Variants in ELAVL2 observed in about 807,000 individuals in gnomAD.
The protein encoded by ELAVL2 is ELAV-like protein 2.
A neutral mutation model predicts 34.6 loss-of-function variants in ELAVL2; 4 were observed. The observed-to-expected ratio is 0.12, with a 90% CI of 0.06 to 0.26. The LOEUF is 0.26. Among genes scored for constraint, ELAVL2 ranks in the 10% least tolerant of loss-of-function variants. The probability of loss-of-function intolerance (pLI) is 1.00; values close to 1 mark genes in which losing one functional copy is unlikely to be tolerated. For synonymous variants in ELAVL2, 193 were observed against 154.8 expected (o/e 1.25, Z -1.83); for missense variants, 432 against 442.8 (o/e 0.98, Z 0.22).
intron 1 of ELAVL2, among the ~76,000 whole-genome samples, chr9:23,797,969 G>A (rs72693564): frequency 2.0e-5 from 3 of 152,108 alleles, no homozygotes; most frequent in Non-Finnish European, 4.4e-5. Context: ...AAAAGTATGG[G>A]ATAAGAATTC....
At chr9:23,757,918 C>A (rs2053964330) in intron 2 of ELAVL2, among the ~76,000 whole-genome samples, 1 of 152,092 alleles carries the variant, frequency 6.6e-6, no homozygotes, top group African/African-American at 2.4e-5. Flanking sequence ...ACTTAAGAAG[C>A]ACACACTTTC....
chr9:23,773,086 A>T (rs1447462747), intron 1 of ELAVL2, among the ~76,000 whole-genome samples: 2 of 152,142 alleles, frequency 1.3e-5, no homozygotes, highest in Non-Finnish European at 2.9e-5. Flanking sequence ...GGAGGGGGAG[A>T]ATTTACATTC....
chr9:23,810,023 G>A (rs2062769012), intron 1 of ELAVL2, among the ~76,000 whole-genome samples: 1 of 151,940 alleles, frequency 6.6e-6, no homozygotes, highest in Admixed American at 6.6e-5. Context: ...CTGCCTGATT[G>A]GGAACACATT....
intron 1 of ELAVL2, among the ~76,000 whole-genome samples, chr9:23,811,249 G>C (rs2062947077): frequency 6.6e-6 from 1 of 151,874 alleles, no homozygotes; most frequent in Non-Finnish European, 1.5e-5. Flanking sequence ...TCCCCGAACA[G>C]CCAGTTCCAA....
chr9:23,741,442 A>G (rs891239052), intron 2 of ELAVL2, among the ~76,000 whole-genome samples: 4 of 152,162 alleles, frequency 2.6e-5, no homozygotes, highest in African/African-American at 9.6e-5. Flanking sequence ...ATGCAGATGT[A>G]AGACTGTAAC....
At chr9:23,811,963 T>C (rs894796940) in intron 1 of ELAVL2, among the ~76,000 whole-genome samples, 4 of 151,844 alleles carry the variant, frequency 2.6e-5, no homozygotes, top group Non-Finnish European at 5.9e-5. Flanking sequence ...AAGCAAAAAA[T>C]AGACAAAATG....
At chr9:23,743,019 G>T (rs564025586) in intron 2 of ELAVL2, among the ~76,000 whole-genome samples, 21 of 152,032 alleles carry the variant, frequency 1.4e-4, no homozygotes, top group Non-Finnish European at 2.6e-4. Context: ...CAAACCTCAA[G>T]AACACTCTCT....
intron 2 of ELAVL2, among the ~76,000 whole-genome samples, chr9:23,743,152 G>A (rs149902644): frequency 6.6e-6 from 1 of 152,170 alleles, no homozygotes; most frequent in Non-Finnish European, 1.5e-5. Context: ...TTAAGTCAAA[G>A]AGGTACCCTG....
intron 5 of ELAVL2, among the ~76,000 whole-genome samples, chr9:23,694,028 T>C (rs1004417923): frequency 1.3e-5 from 2 of 152,128 alleles, no homozygotes; most frequent in African/African-American, 2.4e-5. Context: ...CAAGGAGGTA[T>C]AATTACAGGT....
intron 1 of ELAVL2, among the ~76,000 whole-genome samples, chr9:23,790,640 G>A (rs1262874545): frequency 1.3e-5 from 2 of 152,164 alleles, no homozygotes; most frequent in Non-Finnish European, 2.9e-5. Context: ...TGAATAGACA[G>A]CCAAATTAGG....
intron 3 of ELAVL2, among the ~76,000 whole-genome samples, chr9:23,729,458 C>G (rs941373406): frequency 2.0e-5 from 3 of 152,054 alleles, no homozygotes; most frequent in Non-Finnish European, 4.4e-5. Flanking sequence ...CTTAATAGTA[C>G]TAGTAAAAGA....
chr9:23,816,485 G>C (rs1303874371), intron 1 of ELAVL2, among the ~76,000 whole-genome samples: 1 of 151,916 alleles, frequency 6.6e-6, no homozygotes, highest in Non-Finnish European at 1.5e-5. Context: ...CAAAATGCTG[G>C]AAGAAAAGAA....
chr9:23,826,206 C>A lies in ELAVL2; in HGVS notation c.-416G>T, dbSNP rs547928422. 6.6e-6 allele frequency: 1 copy of A among 152,294 alleles called. No individual in the cohort carries two copies. The highest frequency in any genetic ancestry group is 1.9e-4 in the East Asian group (1 of 5,170). The allele number at this position is 152,294 out of a possible 1,614,324, so 9.4% of individuals were successfully genotyped here. ...GCTACAGGAGTAAGCTGCTGCATCT[C>A]TAACTAAGAACAGAAATAGGGGGGA... On this transcript the variant is annotated 5_prime_UTR_variant, in exon 1 of 7. Transcript: ENST00000397312.
In ELAVL2 at chr9:23,708,613, G is replaced by C. The variant is rs189321372; in HGVS notation, c.334-3542C>G. Among the ~76,000 whole-genome samples the C allele has an allele frequency of 1.8e-4, 27 of 152,280 alleles. No homozygotes were observed. The East Asian group carries it at 3.1e-3, about 17-fold the overall frequency. ...AGAAACTGGCCACAGACAGAAAACA[G>C]GATGTTGCTAGAAATTAGTTAAAAG... On this transcript the variant is annotated intron_variant, in intron 3 of 6. Coordinates refer to ENST00000397312, the MANE Select transcript of ELAVL2 (RefSeq NM_004432.5).
intron 2 of ELAVL2, among the ~76,000 whole-genome samples, chr9:23,743,735 G>A (rs1163723368): frequency 6.6e-6 from 1 of 151,996 alleles, no homozygotes; most frequent in African/African-American, 2.4e-5. Context: ...TGTATAACAG[G>A]GTAGAGGGTT....
At chr9:23,727,755 GACTTC>G (rs2045584282) in intron 3 of ELAVL2, among the ~76,000 whole-genome samples, 1 of 151,962 alleles carries the variant, frequency 6.6e-6, no homozygotes, top group South Asian at 2.1e-4. Flanking sequence ...GAGCCTGAGG[GACTTC>G]ACTTCACTCA....
chr9:23,711,320 T>A (rs1023597575), intron 3 of ELAVL2, among the ~76,000 whole-genome samples: 1 of 152,208 alleles, frequency 6.6e-6, no homozygotes, highest in Non-Finnish European at 1.5e-5. Context: ...GTTGAATGTT[T>A]TAAGACTAAA....
intron 3 of ELAVL2, among the ~76,000 whole-genome samples, chr9:23,718,814 A>G (rs879413610): frequency 2.0e-5 from 3 of 152,220 alleles, no homozygotes; most frequent in Admixed American, 2.0e-4. Flanking sequence ...GAATAACCAT[A>G]GGGAAAGCTT....
chr9:23,764,303 C>A (rs1588237761), intron 1 of ELAVL2, among the ~76,000 whole-genome samples: 1 of 152,136 alleles, frequency 6.6e-6, no homozygotes, highest in East Asian at 1.9e-4. Flanking sequence ...TGACTGAAAT[C>A]AGCAAGATTT....
Sources: gnomAD v4.1 joint callset for allele counts (sites outside exome capture counted in the v4.1 genomes callset) on GRCh38, gnomAD v4.1.1 for gene constraint, MANE v1.5 for transcripts, NCBI Gene and HGNC (gene_info 2026-07-23, HGNC 2026-07-21) for gene names.